Variants in FCHSD2 observed in about 807,000 individuals in gnomAD.
The protein encoded by FCHSD2 is FCH and double SH3 domains 2.
Under a neutral mutation model 108.1 loss-of-function variants are expected in FCHSD2, and 38 were observed. The ratio of observed to expected loss-of-function variants is 0.35; its 90% CI spans 0.27 to 0.46. The LOEUF (loss-of-function observed/expected upper bound fraction) is 0.46, where lower values mean the gene tolerates loss of function less well. Among genes scored for constraint, FCHSD2 ranks in the 20% least tolerant of loss-of-function variants. The pLI is 1.00. For synonymous variants in FCHSD2, 279 were observed against 314.7 expected, an observed-to-expected ratio of 0.89 and a Z score of 1.20; for missense variants, 751 against 897.8, an observed-to-expected ratio of 0.84 and a Z score of 2.09.
At chr11:73,085,692 C>A (rs1347758676) in intron 2 of FCHSD2, among the ~76,000 whole-genome samples, 2 of 151,530 alleles carry the variant, frequency 1.3e-5, no homozygotes, top group Non-Finnish European at 2.9e-5. Context: ...AGACTACCTA[C>A]AACATTTAAA....
intron 1 of FCHSD2, among the ~76,000 whole-genome samples, 199 bp downstream of exon 1, chr11:73,141,658 C>G (rs1591589905): frequency 6.6e-6 from 1 of 152,178 alleles, no homozygotes; most frequent in African/African-American, 2.4e-5. Flanking sequence ...AGAGGACGGA[C>G]GAGCCCCGGC....
chr11:72,844,440 A>G lies in FCHSD2; in HGVS notation c.1444-908T>C, dbSNP rs143659748. 3.2e-3 allele frequency among the ~76,000 whole-genome samples: 481 copies of G among 152,300 alleles called. 7 individuals carry two copies. The South Asian group carries it at 0.032, about 10-fold the overall frequency. On this transcript the variant is annotated intron_variant, in intron 14 of 19. Transcript: ENST00000409418. ...AACTGTGTGGAGACTGAGCTGATCCATTTGCGTGCTACCGTACAAGCTGCT... is the reference window on the plus strand; with the variant it reads ...AACTGTGTGGAGACTGAGCTGATCCGTTTGCGTGCTACCGTACAAGCTGCT...
intron 13 of FCHSD2, among the ~76,000 whole-genome samples, chr11:72,866,344 C>T (rs1854724259): frequency 6.6e-6 from 1 of 151,934 alleles, no homozygotes; most frequent in South Asian, 2.1e-4. Context: ...ATTTTGGCTC[C>T]CTGCAACCTC....
intron 8 of FCHSD2, among the ~76,000 whole-genome samples, chr11:72,983,316 A>G (rs1857251754): frequency 6.6e-6 from 1 of 151,512 alleles, no homozygotes; most frequent in African/African-American, 2.4e-5. Flanking sequence ...AAATAAATAA[A>G]AGAAAGGTGC....
intron 1 of FCHSD2, among the ~76,000 whole-genome samples, chr11:73,140,366 G>T (rs983489197): frequency 6.6e-6 from 1 of 152,122 alleles, no homozygotes; most frequent in Non-Finnish European, 1.5e-5. Flanking sequence ...ACAAACTAAA[G>T]ACGTGCAAAA....
At chr11:72,913,068 G>A (rs1855795354) in intron 9 of FCHSD2, among the ~76,000 whole-genome samples, 1 of 152,092 alleles carries the variant, frequency 6.6e-6, no homozygotes, top group Non-Finnish European at 1.5e-5. Flanking sequence ...AGGGGGAGGT[G>A]CTACACACTT....
At chr11:73,062,601 C>T (rs117664896) in intron 3 of FCHSD2, among the ~76,000 whole-genome samples, 2,317 of 152,130 alleles carry the variant, frequency 0.015, 33 homozygotes, top group Middle Eastern at 0.037. Flanking sequence ...ATAAATGACC[C>T]GATGGAGCTG....
At chr11:72,962,414 T>A (rs1208106343) in intron 8 of FCHSD2, among the ~76,000 whole-genome samples, 1 of 152,242 alleles carries the variant, frequency 6.6e-6, no homozygotes, top group Non-Finnish European at 1.5e-5. Context: ...AGCTCTTTGA[T>A]TCCTCAATAA....
At chr11:72,967,803 C>A (rs542940225) in intron 8 of FCHSD2, among the ~76,000 whole-genome samples, 1 of 152,052 alleles carries the variant, frequency 6.6e-6, no homozygotes, top group Admixed American at 6.5e-5. Flanking sequence ...AAGAAGTGGG[C>A]AGAGAGGCTG....
intron 19 of FCHSD2, 63 bp downstream of exon 19, chr11:72,840,814 A>T: frequency 8.1e-7 from 1 of 1,229,304 alleles, no homozygotes; most frequent in Non-Finnish European, 1.2e-6. Flanking sequence ...GGGAAACATT[A>T]ATTCCTTACT....
chr11:72,915,456 T>C lies in FCHSD2; in HGVS notation c.828+6372A>G, dbSNP rs758686130. On this transcript the variant is annotated intron_variant, in intron 9 of 19. Transcript: ENST00000409418. ...AAAGACATATGCCTGCTTATGTTCATTGCAGCACCATTCACAATAGCAGAG... is the reference window on the plus strand; with the variant it reads ...AAAGACATATGCCTGCTTATGTTCACTGCAGCACCATTCACAATAGCAGAG... Among the ~76,000 whole-genome samples the C allele has an allele frequency of 3.7e-4, 57 of 152,194 alleles. 1 individual carries two copies. The highest frequency in any genetic ancestry group is 6.6e-4 in the Non-Finnish European group (45 of 68,034).
At chr11:73,111,487 G>A (rs1268671009) in intron 2 of FCHSD2, among the ~76,000 whole-genome samples, 1 of 141,040 alleles carries the variant, frequency 7.1e-6, no homozygotes, top group East Asian at 2.0e-4. Context: ...CAGTCTATGT[G>A]TGTCTTTATA....
intron 12 of FCHSD2, among the ~76,000 whole-genome samples, chr11:72,870,236 A>C (rs963440587): frequency 6.6e-6 from 1 of 152,162 alleles, no homozygotes; most frequent in Non-Finnish European, 1.5e-5. Flanking sequence ...CTCTGCTCCT[A>C]AAGCACTCTA....
chr11:73,030,769 A>C (rs1031020863), intron 3 of FCHSD2, among the ~76,000 whole-genome samples: 1 of 152,230 alleles, frequency 6.6e-6, no homozygotes, highest in African/African-American at 2.4e-5. Context: ...TACCACAGTC[A>C]AGCAAATTTA....
intron 12 of FCHSD2, among the ~76,000 whole-genome samples, chr11:72,879,874 C>T (rs1855044321): frequency 1.3e-5 from 2 of 151,884 alleles, no homozygotes; most frequent in Admixed American, 1.3e-4. Flanking sequence ...TGGCTCATGC[C>T]TGTAATCCCA....
intron 12 of FCHSD2, among the ~76,000 whole-genome samples, chr11:72,872,286 CTT>C (rs59486746): frequency 0.97 from 128,941 of 132,258 alleles, 62,861 homozygotes; most frequent in East Asian, 0.99. Flanking sequence ...TTTTTCTTTT[CTT>C]TTTTTTTTTT....
rs533020945 is a variant in FCHSD2 at position 72,970,687 on chromosome 11, G to A, written c.705+13401C>T. 2.6e-5 allele frequency among the ~76,000 whole-genome samples: 4 copies of A among 152,206 alleles called. No individual in the cohort carries two copies. The East Asian group carries it at 5.8e-4, about 22-fold the overall frequency. ...CCACTGTCTGCTGCCACAGCCTGCC[G>A]ACATCCCACTCACATACAAAGCCTG... On this transcript the variant is annotated intron_variant, in intron 8 of 19. Transcript: ENST00000409418.
chr11:72,939,004 A>T (rs1856359695), intron 8 of FCHSD2, among the ~76,000 whole-genome samples: 1 of 152,206 alleles, frequency 6.6e-6, no homozygotes, highest in Non-Finnish European at 1.5e-5. Flanking sequence ...GCTACTAAAC[A>T]TGTAATGCAG....
At chr11:73,103,732 AAAGAG>A (rs1860276852) in intron 2 of FCHSD2, among the ~76,000 whole-genome samples, 1 of 152,216 alleles carries the variant, frequency 6.6e-6, no homozygotes, top group Non-Finnish European at 1.5e-5. Flanking sequence ...CAAAAAAAGA[AAAGAG>A]GATTATCAAT....
Sources: gnomAD v4.1 joint callset for allele counts (sites outside exome capture counted in the v4.1 genomes callset) on GRCh38, gnomAD v4.1.1 for gene constraint, MANE v1.5 for transcripts, NCBI Gene and HGNC (gene_info 2026-07-23, HGNC 2026-07-21) for gene names.